EYS: variants seen among roughly 807,000 people sequenced by gnomAD.
EYS encodes EGF-like photoreceptor maintenance factor, also known as protein eyes shut homolog.
EYS carries 250 observed loss-of-function variants against 282.1 expected under a neutral mutation model. The ratio of observed to expected loss-of-function variants is 0.89; its 90% confidence interval spans 0.80 to 0.98. The LOEUF (loss-of-function observed/expected upper bound fraction) is 0.98, where lower values mean the gene tolerates loss of function less well. Ranked by LOEUF, EYS falls within the 50% of genes least tolerant of loss-of-function variation. The pLI, the probability that EYS is intolerant of heterozygous loss-of-function variation, is 0.00. For synonymous variants in EYS, 1,355 were observed against 1,282.9 expected (o/e 1.06, Z -1.20); for missense variants, 4,016 against 3,709.0 (o/e 1.08, Z -2.15).
intron 12 of EYS, among the ~76,000 whole-genome samples, chr6:65,175,852 T>A (rs1159747841): frequency 6.6e-6 from 1 of 151,508 alleles, no homozygotes; most frequent in Non-Finnish European, 1.5e-5. Context: ...ACTTACTAAT[T>A]TACACACAAG....
chr6:64,486,887 G>A (rs1776592968), intron 26 of EYS, among the ~76,000 whole-genome samples: 1 of 151,202 alleles, frequency 6.6e-6, no homozygotes, highest in South Asian at 2.1e-4. Context: ...AGAGCCTACA[G>A]CCATTCTGTT....
At chr6:64,074,698 C>T (rs2149862468) in intron 32 of EYS, among the ~76,000 whole-genome samples, 1 of 151,890 alleles carries the variant, frequency 6.6e-6, no homozygotes, top group Non-Finnish European at 1.5e-5. Context: ...GCAGATAAAG[C>T]ACTATTAAAT....
chr6:64,356,657 A>G (rs1470742072), intron 29 of EYS, among the ~76,000 whole-genome samples: 1 of 151,580 alleles, frequency 6.6e-6, no homozygotes, highest in Non-Finnish European at 1.5e-5. Context: ...TTGATCAGAG[A>G]GGAGGCGTCT....
intron 26 of EYS, among the ~76,000 whole-genome samples, chr6:64,509,663 C>A (rs1777322597): frequency 6.6e-6 from 1 of 152,076 alleles, no homozygotes; most frequent in African/African-American, 2.4e-5. Context: ...GAGTATTTTT[C>A]TATTATGTAT....
chr6:64,847,587 T>C (rs1382475716), intron 19 of EYS, among the ~76,000 whole-genome samples: 1 of 152,042 alleles, frequency 6.6e-6, no homozygotes, highest in African/African-American at 2.4e-5. Flanking sequence ...CCATCTCCGT[T>C]TCCCTGGCAA....
chr6:65,149,057 G>A (rs1296510399), intron 12 of EYS, among the ~76,000 whole-genome samples: 2 of 152,096 alleles, frequency 1.3e-5, no homozygotes, highest in Admixed American at 1.3e-4. Flanking sequence ...AAGGGCTGCT[G>A]TAAAGGTCTC....
intron 15 of EYS, among the ~76,000 whole-genome samples, chr6:64,926,206 G>A (rs912404594): frequency 6.6e-6 from 1 of 152,318 alleles, no homozygotes; most frequent in East Asian, 1.9e-4. Context: ...GAGCACCCAA[G>A]TACTGTGCCT....
At chr6:64,310,078 A>AAC (rs1554142132) in intron 29 of EYS, among the ~76,000 whole-genome samples, 1,826 of 145,192 alleles carry the variant, frequency 0.013, 28 homozygotes, top group African/African-American at 0.029. Flanking sequence ...ATAAAAAAAA[A>AAC]AATAACAGAT....
At chr6:65,010,513 A>G (rs564165785) in intron 13 of EYS, among the ~76,000 whole-genome samples, 2 of 152,308 alleles carry the variant, frequency 1.3e-5, no homozygotes, top group South Asian at 4.1e-4. Flanking sequence ...TTGCTCAAAC[A>G]TACGCCACTT....
At chr6:65,670,676 C>G (rs1261624539) in intron 1 of EYS, among the ~76,000 whole-genome samples, 1 of 151,882 alleles carries the variant, frequency 6.6e-6, no homozygotes, top group East Asian at 1.9e-4. Flanking sequence ...GACCTTATTT[C>G]AAGAAAAAAG....
chr6:65,105,722 T>G (rs1040936710), intron 12 of EYS, among the ~76,000 whole-genome samples: 1 of 151,912 alleles, frequency 6.6e-6, no homozygotes, highest in African/African-American at 2.4e-5. Context: ...ATGTCTGTAC[T>G]TCTGAATTTC....
intron 35 of EYS, among the ~76,000 whole-genome samples, chr6:63,908,508 T>C (rs1773839312): frequency 6.6e-6 from 1 of 152,082 alleles, no homozygotes; most frequent in Admixed American, 6.5e-5. Flanking sequence ...TGGAGTGCAG[T>C]GGTGCGATCT....
chr6:63,930,222 C>T (rs561506244), intron 35 of EYS, among the ~76,000 whole-genome samples: 4 of 152,116 alleles, frequency 2.6e-5, no homozygotes, highest in South Asian at 2.1e-4. Flanking sequence ...TAAAACATTA[C>T]GTTGTACCTC....
At chr6:65,372,742 G>C (rs1351177338) in intron 8 of EYS, among the ~76,000 whole-genome samples, 5 of 152,050 alleles carry the variant, frequency 3.3e-5, no homozygotes, top group African/African-American at 1.2e-4. Context: ...ATTTCAATAA[G>C]GAAGTTCGCC....
intron 22 of EYS, chr6:64,733,411 T>TCACAACATCATCTACTCTGGGG (rs1439072357): frequency 5.6e-6 from 1 of 178,172 alleles, no homozygotes; most frequent in Non-Finnish European, 1.2e-5. Context: ...TACACTGATT[T>TCACAACATCATCTACTCTGGGG]CACAACATCA....
intron 31 of EYS, among the ~76,000 whole-genome samples, chr6:64,200,266 T>A (rs1274092060): frequency 6.6e-6 from 1 of 152,148 alleles, no homozygotes; most frequent in East Asian, 1.9e-4. Flanking sequence ...ACACGTGACA[T>A]GATACATTTG....
intron 30 of EYS, among the ~76,000 whole-genome samples, chr6:64,249,535 TAAA>T (rs1012606186): frequency 7.9e-5 from 12 of 151,980 alleles, no homozygotes; most frequent in African/African-American, 2.7e-4. Context: ...TTTATAATAA[TAAA>T]AAAGGAAGGG....
intron 5 of EYS, 49 bp downstream of exon 5, chr6:65,490,545 A>G (rs1247384646): frequency 1.0e-6 from 1 of 990,588 alleles, no homozygotes; most frequent in Admixed American, 1.8e-5. Flanking sequence ...ATACATAGAT[A>G]AAATTAAAGT....
In EYS at chr6:65,319,088, G is replaced by T. The variant is rs544443101; in HGVS notation, c.1766+15892C>A. ...AAATGTCACTATTTGGCTGGGTGTG[G>T]TGTCTCAGGCCTGTAATCCCAGCAC... On this transcript the variant is annotated intron_variant, in intron 11 of 42. Transcript: ENST00000503581. Among the ~76,000 whole-genome samples, 1,334 of 148,896 alleles carry T rather than the reference G, an allele frequency of 9.0e-3. 21 individuals are homozygous for T. Among genetic ancestry groups the T allele is most frequent in the African/African-American group, 0.031 (1,243 of 40,408 alleles).
Sources: allele counts gnomAD v4.1 joint callset (sites outside exome capture counted in the v4.1 genomes callset), GRCh38; gene constraint gnomAD v4.1.1; transcripts MANE v1.5; gene names NCBI Gene and HGNC (gene_info 2026-07-23, HGNC 2026-07-21).